Variants in HSP90AB1 observed in about 807,000 individuals in gnomAD.
The protein encoded by HSP90AB1 is heat shock protein 90 alpha family class B member 1.
A neutral mutation model predicts 67.8 loss-of-function variants in HSP90AB1; 17 were observed. The ratio of observed to expected loss-of-function variants is 0.25; its 90% CI spans 0.17 to 0.38. The LOEUF (loss-of-function observed/expected upper bound fraction) is 0.38. Ranked by LOEUF, HSP90AB1 falls within the 10% of genes least tolerant of loss-of-function variation. The pLI, the probability that HSP90AB1 is intolerant of heterozygous loss-of-function variation, is 1.00. For synonymous variants in HSP90AB1, 390 were observed against 312.9 expected (o/e 1.25, Z -2.60); for missense variants, 690 against 899.9 (o/e 0.77, Z 2.98).
rs564173071 is a variant in HSP90AB1 at position 44,252,988 on chromosome 6, C to T, written c.1732-57C>T. 10 of 1,429,148 alleles carry T rather than the reference C, an allele frequency of 7.0e-6. No homozygotes were observed. In the South Asian group the frequency reaches 8.4e-5, roughly 12 times the overall value. 88.5% of individuals were successfully genotyped at this position (1,429,148 alleles called of 1,614,324 possible). ...CCTGCTGGAATTAGGCTTGACAATG[C>T]CTGTTTTCTCTTTCAAAGTGGTAAT... On this transcript the variant is annotated intron_variant, in intron 10 of 11. Transcript: ENST00000371646.
chr6:44,249,317 G>A, intron 2 of HSP90AB1, 60 bp from the exon 3 acceptor site: 1 of 1,396,818 alleles, frequency 7.2e-7, no homozygotes, highest in Non-Finnish European at 1.0e-6. Context: ...TGTAGCTTGG[G>A]CAACAGAGCA....
In HSP90AB1 at chr6:44,251,194, G is replaced by A. The variant is rs147123370; in HGVS notation, c.1104G>A (p.Glu368=). 32 of 1,614,050 alleles carry A rather than the reference G, an allele frequency of 2.0e-5. No individual in the cohort carries two copies. Among genetic ancestry groups the A allele is most frequent in the Non-Finnish European group, 5.9e-6 (7 of 1,180,008 alleles). ...TGTTCATCATGGACAGCTGTGATGA[G>A]TTGATACCAGAGTATCTCAGTGAGT... ...RRVFIMDSCD[E]LIPEYLNFIR... The change falls in exon 7 of 12, where the codon GAG becomes GAA. Residue 368 remains glutamate (E), a synonymous_variant. Coordinates refer to ENST00000371646, the MANE Select transcript of HSP90AB1 (RefSeq NM_007355.4).
At position 44,251,814 on chromosome 6, in the gene HSP90AB1, T is replaced by A. The variant is rs963405490; in HGVS notation, c.1392T>A (p.Asp464Glu). Residue 464 changes from aspartate (D) to glutamate (E), a missense_variant, in exon 9 of 12, where the codon GAT becomes GAA. Physicochemically the swap from Asp to Glu is conservative, Grantham distance 45 (BLOSUM62 2). Coordinates refer to ENST00000371646, the MANE Select transcript of HSP90AB1 (RefSeq NM_007355.4). ...LLRYHTSQSG[D>E]EMTSLSEYVS... Reference sequence around the variant, plus strand: ...GCTATCATACCTCCCAGTCTGGAGATGAGATGACATCTCTGTCAGAGTATG... The same window carrying A: ...GCTATCATACCTCCCAGTCTGGAGAAGAGATGACATCTCTGTCAGAGTATG... The A allele has an allele frequency of 6.2e-7, 1 of 1,613,022 alleles. No individual in the cohort carries two copies. The highest frequency in any genetic ancestry group is 1.3e-5 in the African/African-American group (1 of 74,908).
chr6:44,252,495 C>CT (rs34368867), intron 10 of HSP90AB1, among the ~76,000 whole-genome samples: 4,300 of 149,110 alleles, frequency 0.029, 232 homozygotes, highest in African/African-American at 0.096. Flanking sequence ...CCATCATTTT[C>CT]TTTTTTTTTT....
chr6:44,249,053 C>T (rs551694487), intron 2 of HSP90AB1, among the ~76,000 whole-genome samples: 3 of 152,294 alleles, frequency 2.0e-5, no homozygotes, highest in South Asian at 2.1e-4. Context: ...TTTGAAGATA[C>T]GGGCTTTAAG....
In HSP90AB1 at chr6:44,251,901, T is replaced by G. The variant is rs759978775; in HGVS notation, c.1462+17T>G. ...ACATCACTGGTGCGTTGACTCTGAT[T>G]GAAGCCTTTTTGGAGGAGTGGGGAG... On this transcript the variant is annotated intron_variant, in intron 9 of 11. Transcript: ENST00000371646. 29 of 1,613,366 alleles carry G rather than the reference T, an allele frequency of 1.8e-5. No individual in the cohort carries two copies. The highest frequency in any genetic ancestry group is 4.0e-5 in the African/African-American group (3 of 74,918).
upstream of HSP90AB1, among the ~76,000 whole-genome samples, chr6:44,246,540 C>G (rs1018178403): frequency 3.9e-5 from 6 of 152,212 alleles, no homozygotes; most frequent in Non-Finnish European, 7.3e-5. Flanking sequence ...CGCCCTCCCC[C>G]TACGCTGAGC....
At chr6:44,247,833 C>G (rs911667333) in intron 1 of HSP90AB1, 1 of 152,380 alleles carries the variant, frequency 6.6e-6, no homozygotes, top group South Asian at 2.1e-4. Context: ...TGAGATTGTT[C>G]TGGAAGCTTC....
chr6:44,251,370 C>A, intron 7 of HSP90AB1, 48 bp from the exon 8 acceptor site: 1 of 1,565,812 alleles, frequency 6.4e-7, no homozygotes, highest in South Asian at 1.1e-5. Context: ...GGGACCAGGT[C>A]TGGTCTAGCT....
intron 6 of HSP90AB1, 135 bp downstream of exon 6, chr6:44,250,734 TACTG>T: frequency 1.5e-6 from 1 of 646,432 alleles, no homozygotes; most frequent in Non-Finnish European, 2.8e-6. Context: ...TGATTTCACT[TACTG>T]ATTACCCTGT....
intron 10 of HSP90AB1, 98 bp from the exon 11 acceptor site, chr6:44,252,947 C>G (rs933959364): frequency 5.1e-6 from 5 of 975,762 alleles, no homozygotes; most frequent in Admixed American, 4.2e-5. Flanking sequence ...CTCAAGTGGT[C>G]TGTCCACCTC....
Position 44,249,388 on chromosome 6 carries a change from G to T in HSP90AB1, c.159G>T (p.Lys53Asn). Residue 53 changes from lysine to asparagine, a missense_variant, in exon 3 of 12, where the codon AAG (lysine) becomes AAT (asparagine). Physicochemically the swap from Lys to Asn is moderately conservative, Grantham distance 94 (BLOSUM62 0). Coordinates refer to ENST00000371646, the MANE Select transcript of HSP90AB1 (RefSeq NM_007355.4). Reference protein sequence around the residue: ...LISNASDALDKIRYESLTDPS... With the variant: ...LISNASDALDNIRYESLTDPS... ...GTTTGTATTTCCAGGCCTTGGACAA[G>T]ATTCGCTATGAGAGCCTGACAGACC... 2 of 1,613,788 alleles carry T rather than the reference G, an allele frequency of 1.2e-6. No individual in the cohort carries two copies. The highest frequency in any genetic ancestry group is 1.7e-6 in the Non-Finnish European group (2 of 1,179,712).
intron 6 of HSP90AB1, 147 bp downstream of exon 6, chr6:44,250,746 T>C: frequency 3.1e-6 from 2 of 639,960 alleles, no homozygotes; most frequent in Non-Finnish European, 5.6e-6. Flanking sequence ...CTGATTACCC[T>C]GTCATAGTGA....
chr6:44,252,606 C>G (rs754894367), intron 10 of HSP90AB1, among the ~76,000 whole-genome samples: 14 of 152,126 alleles, frequency 9.2e-5, no homozygotes, highest in Non-Finnish European at 1.8e-4. Context: ...CGCCATTCTC[C>G]TGCCTTAGCC....
At chr6:44,252,718 C>G (rs1440086272) in intron 10 of HSP90AB1, among the ~76,000 whole-genome samples, 4 of 151,910 alleles carry the variant, frequency 2.6e-5, no homozygotes, top group South Asian at 2.1e-4. Context: ...GGATGGTCTC[C>G]ATCTCCTGAC....
Position 44,251,581 on chromosome 6 carries a change from C to A in HSP90AB1, c.1287C>A (p.Phe429Leu), listed in dbSNP as rs1780640880. The A allele has an allele frequency of 6.2e-7, 1 of 1,606,860 alleles. No homozygotes were observed. Among genetic ancestry groups the A allele is most frequent in the African/African-American group, 1.3e-5 (1 of 74,640 alleles). ...AAGACAAGGAGAATTACAAGAAATT[C>A]TATGAGGCATTCTCTAAAAATCTCA... Reference protein sequence around the residue: ...LAEDKENYKKFYEAFSKNLKL... With the variant: ...LAEDKENYKKLYEAFSKNLKL... Residue 429 changes from phenylalanine (F) to leucine (L), a missense_variant, in exon 8 of 12, where the codon TTC becomes TTA. Phe to Leu is a conservative substitution (Grantham distance 22). Transcript: ENST00000371646.
Position 44,251,602 on chromosome 6 carries a change from T to C in HSP90AB1, c.1308T>C (p.Asn436=), listed in dbSNP as rs201543973. 1.1e-4 allele frequency: 170 copies of C among 1,601,456 alleles called. 1 individual carries two copies. Among genetic ancestry groups the C allele is most frequent in the Non-Finnish European group, 1.4e-4 (165 of 1,172,258 alleles). The part of the protein sequence containing the change: ...YKKFYEAFSK[N]LKLGIHEDST... ...AATTCTATGAGGCATTCTCTAAAAA[T>C]CTCAAGGTAAAAAGGCAAATAATGC... The change falls in exon 8 of 12, where the codon AAT becomes AAC. Residue 436 remains asparagine, a synonymous_variant. Transcript: ENST00000371646.
At chr6:44,253,014 G>C in intron 10 of HSP90AB1, 31 bp from the exon 11 acceptor site, 1 of 1,574,182 alleles carries the variant, frequency 6.4e-7, no homozygotes. Flanking sequence ...AAGTGGTAAT[G>C]TCAATCTAAG....
At chr6:44,253,010 TAATGTC>T in intron 10 of HSP90AB1, 29 bp from the exon 11 acceptor site, 2 of 1,548,146 alleles carry the variant, frequency 1.3e-6, no homozygotes, top group South Asian at 1.1e-5. Context: ...TTCAAAGTGG[TAATGTC>T]AATCTAAGGC....
Sources: gnomAD v4.1 joint callset for allele counts (sites outside exome capture counted in the v4.1 genomes callset) on GRCh38, gnomAD v4.1.1 for gene constraint, MANE v1.5 for transcripts, NCBI Gene and HGNC (gene_info 2026-07-23, HGNC 2026-07-21) for gene names.